Variants in TLN2 observed in about 807,000 individuals in gnomAD.
The protein encoded by TLN2 is talin 2.
In TLN2, 118 loss-of-function variants were observed where a neutral mutation model predicts 294.7. The ratio of observed to expected loss-of-function variants is 0.40; its 90% confidence interval spans 0.34 to 0.47. The LOEUF is 0.47. Ranked by LOEUF, TLN2 falls within the 20% of genes least tolerant of loss-of-function variation. The pLI, the probability that TLN2 is intolerant of heterozygous loss-of-function variation, is 0.84. For missense variants in TLN2, 3,083 were observed against 3,282.2 expected, an observed-to-expected ratio of 0.94 and a Z score of 1.48; for synonymous variants, 1,431 against 1,304.5, an observed-to-expected ratio of 1.10 and a Z score of -2.09.
chr15:62,738,272 A>C lies in TLN2; in HGVS notation c.3626A>C (p.Lys1209Thr). ...TGCGTAAATTGCCTCCCTGGGCAGA[A>C]GGATGTGGACGTGGCCTTGAAGAGC... ...NNCVNCLPGQ[K>T]DVDVALKSIG... The change falls in exon 30 of 59, where the codon AAG (lysine) becomes ACG (threonine). Residue 1209 changes from lysine to threonine, a missense_variant. Transcript: ENST00000636159. The C allele has an allele frequency of 6.2e-7, 1 of 1,614,176 alleles. No homozygotes were observed. The highest frequency in any genetic ancestry group is 8.5e-7 in the Non-Finnish European group (1 of 1,180,022).
At chr15:62,699,087 A>G (rs551386656) in intron 16 of TLN2, among the ~76,000 whole-genome samples, 6 of 152,302 alleles carry the variant, frequency 3.9e-5, no homozygotes, top group Admixed American at 2.0e-4. Flanking sequence ...TGGGCTGAGA[A>G]CTTGAACCCT....
intron 1 of TLN2, among the ~76,000 whole-genome samples, chr15:62,572,796 CT>C (rs112091718): frequency 0.21 from 31,185 of 151,670 alleles, 3,590 homozygotes; most frequent in East Asian, 0.49. Context: ...GACCCTGGGT[CT>C]GGAGGCAGGA....
intron 1 of TLN2, among the ~76,000 whole-genome samples, chr15:62,428,542 C>G (rs1413957819): frequency 1.3e-5 from 2 of 152,192 alleles, no homozygotes; most frequent in Non-Finnish European, 2.9e-5. Context: ...CCTATTAAAG[C>G]CAATTTCACT....
intron 17 of TLN2, 41 bp downstream of exon 17, chr15:62,701,255 T>A: frequency 1.3e-6 from 2 of 1,484,594 alleles, no homozygotes; most frequent in Non-Finnish European, 1.8e-6. Flanking sequence ...GGGTTTTGTT[T>A]AAAAGCTGTG....
intron 33 of TLN2, 108 bp downstream of exon 33, chr15:62,748,552 A>G (rs1027249727): frequency 1.1e-6 from 1 of 907,890 alleles, no homozygotes. Context: ...CTATAGGGCT[A>G]GTTTTCTCTT....
chr15:62,580,026 C>T (rs1346425235), intron 1 of TLN2, among the ~76,000 whole-genome samples: 1 of 152,146 alleles, frequency 6.6e-6, no homozygotes, highest in Admixed American at 6.5e-5. Flanking sequence ...TCGCTGCTTC[C>T]CCAGGCCAAG....
At chr15:62,697,611 G>A (rs993385585) in intron 14 of TLN2, 77 bp from the exon 15 acceptor site, 19 of 1,479,902 alleles carry the variant, frequency 1.3e-5, no homozygotes, top group South Asian at 2.7e-5. Flanking sequence ...GGGAACATAC[G>A]TGACATCTGT....
rs755727198 is a variant in TLN2 at position 62,650,108 on chromosome 15, C to T, written c.161C>T (p.Ser54Leu). ...GCTTCTGACTATGGACTCTTTCTTTCGGATGAAGACCCGAGGAAAGGGATT... is the reference window on the plus strand; with the variant it reads ...GCTTCTGACTATGGACTCTTTCTTTTGGATGAAGACCCGAGGAAAGGGATT... ...GQASDYGLFL[S>L]DEDPRKGIWL... The change falls in exon 5 of 59, where the codon TCG becomes TTG. Residue 54 changes from serine to leucine, a missense_variant. Transcript: ENST00000636159. The T allele has an allele frequency of 1.6e-5, 26 of 1,613,958 alleles. No homozygotes were observed. Among genetic ancestry groups the T allele is most frequent in the East Asian group, 1.3e-4 (6 of 44,888 alleles).
At chr15:62,537,821 A>G (rs17738644) in intron 1 of TLN2, among the ~76,000 whole-genome samples, 21,565 of 152,200 alleles carry the variant, frequency 0.14, 1,610 homozygotes, top group Non-Finnish European at 0.18. Flanking sequence ...GCCCAGTTCA[A>G]GCATCTAAAC....
At chr15:62,749,075 T>C (rs1037106989) in intron 33 of TLN2, among the ~76,000 whole-genome samples, 2 of 152,358 alleles carry the variant, frequency 1.3e-5, no homozygotes, top group South Asian at 2.1e-4. Flanking sequence ...TACCTACTTG[T>C]ATGTCCTAAC....
chr15:62,617,154 G>A (rs1331850965), intron 2 of TLN2, among the ~76,000 whole-genome samples: 1 of 152,130 alleles, frequency 6.6e-6, no homozygotes, highest in East Asian at 1.9e-4. Flanking sequence ...ATTCTCAGGA[G>A]TGGGGTCAGT....
intron 1 of TLN2, among the ~76,000 whole-genome samples, chr15:62,390,922 A>G (rs1052137437): frequency 6.6e-6 from 1 of 152,218 alleles, no homozygotes; most frequent in African/African-American, 2.4e-5. Context: ...GCACCTGTCT[A>G]TTGCACATGT....
At chr15:62,745,122 A>C (rs2061543545) in intron 32 of TLN2, among the ~76,000 whole-genome samples, 1 of 152,136 alleles carries the variant, frequency 6.6e-6, no homozygotes, top group Non-Finnish European at 1.5e-5. Flanking sequence ...CTTCAACTGA[A>C]CCTATTCAGC....
rs374079933 is a variant in TLN2 at position 62,697,866 on chromosome 15, C to G, written c.1471C>G (p.Leu491Val). ...GATGCACCGAGGCCACATGCCGCCA[C>G]TGGTGAGGCTTCCTGTGCTCGTCCC... is the stretch of plus-strand genomic sequence containing the variant. ...GQMHRGHMPPLTSAQQALMGT... is the reference protein window; with the variant it reads ...GQMHRGHMPPVTSAQQALMGT... Residue 491 changes from leucine to valine, a missense_variant and splice_region_variant, in exon 15 of 59, where the codon CTG (leucine) becomes GTG (valine). By Grantham distance (32) the Leu-to-Val change is conservative. Transcript: ENST00000636159. The G allele has an allele frequency of 8.1e-6, 13 of 1,611,632 alleles. No homozygotes were observed. The highest frequency in any genetic ancestry group is 1.1e-5 in the Non-Finnish European group (13 of 1,179,592).
intron 1 of TLN2, among the ~76,000 whole-genome samples, chr15:62,417,586 A>T (rs545776164): frequency 4.6e-5 from 7 of 152,214 alleles, no homozygotes; most frequent in Non-Finnish European, 1.0e-4. Flanking sequence ...TCCCTGCCTG[A>T]GTCAGCCGTC....
chr15:62,468,751 AAAATAAAAATAAAAAAAATACAAAAAT>A (rs2037288193), intron 1 of TLN2, among the ~76,000 whole-genome samples: 1 of 108,186 alleles, frequency 9.2e-6, no homozygotes, highest in South Asian at 3.9e-4. Context: ...TCTCAAAAAA[AAAATAAAAATAAAAAAAATACAAAAAT>A]AAAAAAAAAA....
chr15:62,746,705 C>CTA (rs2061632910), intron 32 of TLN2, among the ~76,000 whole-genome samples: 1 of 152,116 alleles, frequency 6.6e-6, no homozygotes, highest in Non-Finnish European at 1.5e-5. Context: ...CAATATGTGC[C>CTA]TATTTTATTT....
intron 54 of TLN2, chr15:62,832,518 C>T (rs1320367583): frequency 6.6e-6 from 1 of 152,212 alleles, no homozygotes; most frequent in Non-Finnish European, 1.5e-5. Context: ...TCCACTTCTC[C>T]AAAGCTTCTT....
At chr15:62,567,551 C>T (rs1245897311) in intron 1 of TLN2, among the ~76,000 whole-genome samples, 1 of 152,180 alleles carries the variant, frequency 6.6e-6, no homozygotes, top group South Asian at 2.1e-4. Flanking sequence ...AATGAGGGGA[C>T]CAGCCAGGAG....
Sources: gnomAD v4.1 joint callset for allele counts (sites outside exome capture counted in the v4.1 genomes callset) on GRCh38, gnomAD v4.1.1 for gene constraint, MANE v1.5 for transcripts, NCBI Gene and HGNC (gene_info 2026-07-23, HGNC 2026-07-21) for gene names.